The following RILPL1 variants were observed in gnomAD, a reference collection of about 807,000 sequenced individuals.
RILPL1 encodes the protein RILP-like protein 1.
Under a neutral mutation model 50.3 loss-of-function variants are expected in RILPL1, and 33 were observed. That is an observed-to-expected ratio of 0.66 (90% CI 0.50 to 0.88). RILPL1 has a LOEUF of 0.88. Ranked by LOEUF, RILPL1 falls within the 40% of genes least tolerant of loss-of-function variation. The pLI, the probability that RILPL1 is intolerant of heterozygous loss-of-function variation, is 0.00. For missense variants in RILPL1, 418 were observed against 542.5 expected (o/e 0.77, Z 2.28); for synonymous variants, 205 against 228.6 (o/e 0.90, Z 0.93).
chr12:123,523,671 G>C (rs1302145743), intron 1 of RILPL1, 26 bp from the exon 2 acceptor site: 1 of 1,608,100 alleles, frequency 6.2e-7, no homozygotes, highest in Admixed American at 1.7e-5. Context: ...GACAGCATGG[G>C]GTCACTGCCT....
intron 2 of RILPL1, among the ~76,000 whole-genome samples, chr12:123,521,617 G>A (rs13302952): frequency 1.9e-4 from 4 of 20,946 alleles, no homozygotes; most frequent in Non-Finnish European, 2.7e-4. Flanking sequence ...ACACACATAT[G>A]TGTATATATA....
intron 4 of RILPL1, among the ~76,000 whole-genome samples, chr12:123,488,811 G>A (rs2139323507): frequency 2.0e-5 from 3 of 152,320 alleles, no homozygotes; most frequent in Middle Eastern, 3.4e-3. Context: ...CAAGCTGTCT[G>A]GGCAGCTGAG....
intron 6 of RILPL1, chr12:123,472,947 G>A (rs1173267533): frequency 7.6e-6 from 3 of 393,358 alleles, no homozygotes; most frequent in African/African-American, 2.0e-5. Flanking sequence ...TGTCTTCCAC[G>A]TTAGCCGCTA....
chr12:123,485,370 A>C lies in RILPL1; in HGVS notation c.974+263T>G. 1.8e-6 allele frequency: 1 copy of C among 545,410 alleles called. No individual in the cohort carries two copies. Among genetic ancestry groups the C allele is most frequent in the Non-Finnish European group, 3.4e-6 (1 of 298,400 alleles). 33.8% of individuals were successfully genotyped at this position (545,410 alleles called of 1,614,324 possible). ...CGCTTTGTTGCCCAGGCTAGTCTCG[A>C]ATGCCTGGGATCAAGCAATCTTCCC... On this transcript the variant is annotated intron_variant, in intron 5 of 6. Transcript: ENST00000376874. This position sits in a 1 kb window ranked among gnomAD's most constrained non-coding sequence, Gnocchi z 4.0.
intron 6 of RILPL1, among the ~76,000 whole-genome samples, chr12:123,483,347 T>TC (rs1882123255): frequency 6.6e-6 from 1 of 152,182 alleles, no homozygotes; most frequent in South Asian, 2.1e-4. Flanking sequence ...TGCCTCTGTT[T>TC]CCTTAACTAT....
Position 123,499,555 on chromosome 12 carries a change from C to T in RILPL1, c.461-19G>A. The stretch of plus-strand genomic sequence containing the variant: ...GACATGCCTGGGTGGGCAAGTGAGA[C>T]CGGCAGGTGAGCCCGCCTTACTCCT... On this transcript the variant is annotated intron_variant, in intron 2 of 6. Coordinates refer to ENST00000376874, the MANE Select transcript of RILPL1 (RefSeq NM_178314.5). The T allele has an allele frequency of 3.2e-6, 5 of 1,573,568 alleles. No individual in the cohort carries two copies. The highest frequency in any genetic ancestry group is 3.5e-6 in the Non-Finnish European group (4 of 1,143,554).
chr12:123,512,062 G>A (rs1884323604), intron 2 of RILPL1, among the ~76,000 whole-genome samples: 1 of 128,704 alleles, frequency 7.8e-6, no homozygotes, highest in Admixed American at 7.8e-5. Context: ...TCTGTGTGTG[G>A]TGTGTGAGGT....
chr12:123,521,676 T>A (rs1289623025), intron 2 of RILPL1, among the ~76,000 whole-genome samples: 3,469 of 23,406 alleles, frequency 0.15, 220 homozygotes, highest in African/African-American at 0.29. Flanking sequence ...TATATAAATA[T>A]ATATATATAC....
intron 6 of RILPL1, chr12:123,476,007 G>A (rs941013127): frequency 3.8e-5 from 15 of 393,796 alleles, no homozygotes; most frequent in Non-Finnish European, 6.6e-5. Context: ...GGGTTCAAGC[G>A]ATTCTCCTGC....
rs527322167 is a variant in RILPL1 at position 123,528,211 on chromosome 12, T to G, written c.310-4566A>C. ...GCAAGACCCCATCTCTGCTAAAAAT[T>G]AAGCTGGGTGTGGTGGCACATGCCT... is the stretch of plus-strand genomic sequence containing the variant. On this transcript the variant is annotated intron_variant, in intron 1 of 6. Coordinates refer to ENST00000376874, the MANE Select transcript of RILPL1 (RefSeq NM_178314.5). 4.6e-5 allele frequency among the ~76,000 whole-genome samples: 7 copies of G among 151,590 alleles called. No individual in the cohort carries two copies. The East Asian group carries it at 1.4e-3, about 30-fold the overall frequency.
chr12:123,518,548 G>A (rs1291592586), intron 2 of RILPL1, among the ~76,000 whole-genome samples: 1 of 148,266 alleles, frequency 6.7e-6, no homozygotes, highest in African/African-American at 2.5e-5. Context: ...TAAATTTTAT[G>A]TAAAATGTAC....
intron 6 of RILPL1, among the ~76,000 whole-genome samples, chr12:123,478,877 A>T (rs1881778053): frequency 6.6e-6 from 1 of 152,208 alleles, no homozygotes; most frequent in Non-Finnish European, 1.5e-5. Context: ...AAGTCACTCC[A>T]GCACTCCCTC....
chr12:123,515,420 T>G (rs1162217410), intron 2 of RILPL1: 1 of 151,518 alleles, frequency 6.6e-6, no homozygotes, highest in East Asian at 2.0e-4. Context: ...TCTTACGCAG[T>G]AAGAGTGAAT....
intron 2 of RILPL1, among the ~76,000 whole-genome samples, chr12:123,505,788 G>A (rs1444483437): frequency 6.6e-6 from 1 of 152,044 alleles, no homozygotes; most frequent in Non-Finnish European, 1.5e-5. Context: ...CAGCTGGCTC[G>A]TTTTTGAATC....
At position 123,533,152 on chromosome 12, in the gene RILPL1, A is replaced by C; in HGVS notation, c.309+22T>G. ...CCCCGCGGTCCCACTGCCCGGACGG[A>C]CAGACCGAGGCCGCCGCCCACCTTC... is the stretch of plus-strand genomic sequence containing the variant. On this transcript the variant is annotated intron_variant, in intron 1 of 6. Coordinates refer to ENST00000376874, the MANE Select transcript of RILPL1 (RefSeq NM_178314.5). This position sits in a 1 kb window ranked among gnomAD's most constrained non-coding sequence, Gnocchi z 6.2. 6.6e-7 allele frequency: 1 copy of C among 1,512,372 alleles called. No individual in the cohort carries two copies. The highest frequency in any genetic ancestry group is 8.8e-7 in the Non-Finnish European group (1 of 1,130,614). The allele number at this position is 1,512,372 out of a possible 1,614,324, so 93.7% of individuals were successfully genotyped here. A position where few individuals can be genotyped will look rare whatever the true frequency, so the allele number is the denominator to read the frequency against.
intron 1 of RILPL1, among the ~76,000 whole-genome samples, chr12:123,525,383 A>ATT (rs36117410): frequency 0.71 from 95,798 of 134,212 alleles, 36,187 homozygotes; most frequent in East Asian, 0.9. Context: ...TGACTGGCTA[A>ATT]TTTTTTTTTT....
intron 2 of RILPL1, among the ~76,000 whole-genome samples, chr12:123,512,343 G>A (rs545064146): frequency 8.2e-6 from 1 of 121,706 alleles, no homozygotes; most frequent in African/African-American, 3.3e-5. Flanking sequence ...TGTGGTGTGT[G>A]AGGTCTGTAT....
chr12:123,484,885 C>A, intron 5 of RILPL1: 1 of 258,826 alleles, frequency 3.9e-6, no homozygotes, highest in Non-Finnish European at 7.9e-6. Context: ...GTTTCGAGTC[C>A]TGGGTTCAAG....
intron 1 of RILPL1, among the ~76,000 whole-genome samples, chr12:123,526,284 G>T (rs1885253708): frequency 6.6e-6 from 1 of 151,670 alleles, no homozygotes; most frequent in Non-Finnish European, 1.5e-5. Flanking sequence ...CCAGCCTGGG[G>T]CACAGAATGA....
Sources: allele counts gnomAD v4.1 joint callset (sites outside exome capture counted in the v4.1 genomes callset), GRCh38; gene constraint gnomAD v4.1.1; non-coding constraint Gnocchi (gnomAD v3.1); transcripts MANE v1.5; gene names NCBI Gene and HGNC (gene_info 2026-07-23, HGNC 2026-07-21).